ZC3H15: variants seen among roughly 807,000 people sequenced by gnomAD.
ZC3H15 encodes the protein zinc finger CCCH-type containing 15.
ZC3H15 carries 15 observed loss-of-function variants against 51.2 expected under a neutral mutation model. That is an observed-to-expected ratio of 0.29 (90% CI 0.20 to 0.45). The LOEUF (loss-of-function observed/expected upper bound fraction) is 0.45, where lower values mean the gene tolerates loss of function less well. ZC3H15 is among the 20% of genes least tolerant of loss of function. The pLI is 1.00. For missense variants in ZC3H15, 381 were observed against 494.7 expected (o/e 0.77, Z 2.18); for synonymous variants, 144 against 162.8 (o/e 0.88, Z 0.88).
In ZC3H15 at chr2:186,505,885, G is replaced by C. The variant is rs944168799; in HGVS notation, c.966+44G>C. 5.7e-6 allele frequency: 9 copies of C among 1,581,734 alleles called. No homozygotes were observed. In the African/African-American group the frequency reaches 1.1e-4, roughly 19 times the overall value. ...CCTCATCTCCTTATGTTAATTGAAA[G>C]AAACAATAGAAAATACCACAACATG... On this transcript the variant is annotated intron_variant, in intron 8 of 9. Transcript: ENST00000337859.
intron 2 of ZC3H15, among the ~76,000 whole-genome samples, chr2:186,497,707 A>C (rs982994380): frequency 1.3e-5 from 2 of 152,152 alleles, no homozygotes; most frequent in Non-Finnish European, 2.9e-5. Flanking sequence ...CTCTTCCCCA[A>C]CTTTTTCTTC....
intron 1 of ZC3H15, among the ~76,000 whole-genome samples, chr2:186,487,613 A>C (rs558683608): frequency 6.6e-6 from 1 of 152,346 alleles, no homozygotes; most frequent in East Asian, 1.9e-4. Flanking sequence ...GACACTTAAA[A>C]ACAAAATATT....
Position 186,508,854 on chromosome 2 carries a change from A to C in ZC3H15, c.*121A>C, listed in dbSNP as rs527443861. ...TTCCTATGCTGATTCTGGAGGAGTTAACCTCCTGCAAAAAAGGCATCTTGT... is the reference window on the plus strand; with the variant it reads ...TTCCTATGCTGATTCTGGAGGAGTTCACCTCCTGCAAAAAAGGCATCTTGT... On this transcript the variant is annotated 3_prime_UTR_variant, in exon 10 of 10. Transcript: ENST00000337859. 1 of 1,110,952 alleles carries C rather than the reference A, an allele frequency of 9.0e-7. No individual in the cohort carries two copies. The highest frequency in any genetic ancestry group is 1.6e-5 in the South Asian group (1 of 63,408). 68.8% of individuals were successfully genotyped at this position (1,110,952 alleles called of 1,614,324 possible). A position where few individuals can be genotyped will look rare whatever the true frequency, so the allele number is the denominator to read the frequency against.
intron 5 of ZC3H15, among the ~76,000 whole-genome samples, chr2:186,503,522 A>G (rs546882198): frequency 6.6e-6 from 1 of 152,102 alleles, no homozygotes; most frequent in East Asian, 1.9e-4. Context: ...GGTTACAGGC[A>G]TGTGCCACCA....
chr2:186,496,342 TA>T (rs1304055120), intron 2 of ZC3H15, among the ~76,000 whole-genome samples: 3 of 152,184 alleles, frequency 2.0e-5, no homozygotes, highest in Admixed American at 6.5e-5. Context: ...CTCATCCTCC[TA>T]AGTAGCTGGG....
At chr2:186,506,022 T>A (rs1042127920) in intron 8 of ZC3H15, 181 bp downstream of exon 8, 1 of 704,580 alleles carries the variant, frequency 1.4e-6, no homozygotes, top group East Asian at 2.7e-5. Flanking sequence ...AATGATTATC[T>A]CTACATCATA....
chr2:186,505,381 G>C, intron 6 of ZC3H15, 70 bp from the exon 7 acceptor site: 1 of 1,476,572 alleles, frequency 6.8e-7, no homozygotes, highest in Non-Finnish European at 9.0e-7. Context: ...ATCACATTAA[G>C]AGATAACTGC....
intron 4 of ZC3H15, among the ~76,000 whole-genome samples, chr2:186,502,031 T>C (rs1685393858): frequency 6.6e-6 from 1 of 151,680 alleles, no homozygotes; most frequent in African/African-American, 2.4e-5. Context: ...CTTAAAACTA[T>C]TTATTTCTGC....
Position 186,509,006 on chromosome 2 carries a change from G to A in ZC3H15, c.*273G>A. ...TTGTAACTGTCCACCCAAGTAAGAA[G>A]TGTATCTGCCTTTCCATCTTTTGGT... On this transcript the variant is annotated 3_prime_UTR_variant, in exon 10 of 10. Coordinates refer to ENST00000337859, the MANE Select transcript of ZC3H15 (RefSeq NM_018471.3). 1.8e-6 allele frequency: 1 copy of A among 547,298 alleles called. No individual in the cohort carries two copies. The highest frequency in any genetic ancestry group is 3.5e-6 in the Non-Finnish European group (1 of 287,468). The allele number at this position is 547,298 out of a possible 1,614,324, so 33.9% of individuals were successfully genotyped here. A position where few individuals can be genotyped will look rare whatever the true frequency, so the allele number is the denominator to read the frequency against.
At position 186,508,456 on chromosome 2, in the gene ZC3H15, GT is replaced by G. The variant is rs1685502288; in HGVS notation, c.1091-86del. 6 of 1,133,198 alleles carry G rather than the reference GT, an allele frequency of 5.3e-6. No individual in the cohort carries two copies. In the East Asian group the frequency reaches 1.5e-4, roughly 28 times the overall value. The allele number at this position is 1,133,198 out of a possible 1,614,324, so 70.2% of individuals were successfully genotyped here. A position where few individuals can be genotyped will look rare whatever the true frequency, so the allele number is the denominator to read the frequency against. Reference sequence around the variant, plus strand: ...TTCATGGAGAAAAGGAAAAGAGGAAGTGTAGTATCAGTCTATGTTGTCTATT... The same window carrying G: ...TTCATGGAGAAAAGGAAAAGAGGAAGGTAGTATCAGTCTATGTTGTCTATT... On this transcript the variant is annotated intron_variant, in intron 9 of 9. Coordinates refer to ENST00000337859, the MANE Select transcript of ZC3H15 (RefSeq NM_018471.3).
rs779471905 is a variant in ZC3H15 at position 186,508,795 on chromosome 2, A to C, written c.*62A>C. The C allele has an allele frequency of 6.5e-7, 1 of 1,535,228 alleles. No homozygotes were observed. The highest frequency in any genetic ancestry group is 8.9e-7 in the Non-Finnish European group (1 of 1,120,512). ...GCACGAGTTGAAATTGACTACATTA[A>C]TTTCTTTCCACCTAGAATCAACAGG... is the stretch of plus-strand genomic sequence containing the variant. On this transcript the variant is annotated 3_prime_UTR_variant, in exon 10 of 10. Coordinates refer to ENST00000337859, the MANE Select transcript of ZC3H15 (RefSeq NM_018471.3).
Position 186,501,368 on chromosome 2 carries a change from A to G in ZC3H15, c.385A>G (p.Arg129Gly). The G allele has an allele frequency of 1.2e-6, 2 of 1,613,932 alleles. No individual in the cohort carries two copies. The change falls in exon 4 of 10, where the codon AGA (arginine) becomes GGA (glycine). Residue 129 changes from arginine (R) to glycine (G), a missense_variant. Coordinates refer to ENST00000337859, the MANE Select transcript of ZC3H15 (RefSeq NM_018471.3). ...GTTCTCCCATGACTTGACTCTGGAG[A>G]GAAAATGTGAAAAGCGAAGTGTTTA... is the stretch of plus-strand genomic sequence containing the variant. ...CKFSHDLTLE[R>G]KCEKRSVYID...
chr2:186,507,682 T>C (rs1417811941), intron 9 of ZC3H15, among the ~76,000 whole-genome samples: 1 of 152,148 alleles, frequency 6.6e-6, no homozygotes, highest in African/African-American at 2.4e-5. Context: ...GAAATGCCCA[T>C]TAAGGCAAAA....
chr2:186,500,762 ACTGT>A, intron 3 of ZC3H15: 1 of 449,046 alleles, frequency 2.2e-6, no homozygotes, highest in East Asian at 6.9e-5. Flanking sequence ...GCAACCTCCG[ACTGT>A]CTGGTTCAAG....
rs139990335 is a variant in ZC3H15, at chr2:186,500,549, T to C, written c.289+256T>C. On this transcript the variant is annotated intron_variant, in intron 3 of 9. Transcript: ENST00000337859. ...ATTAGTAATTTAATAGACTGCTAAT[T>C]GATTTATAACATTCAGTCTTTGGTA... is the stretch of plus-strand genomic sequence containing the variant. The C allele has an allele frequency of 2.6e-4, 154 of 599,574 alleles. 3 individuals are homozygous for C. The East Asian group carries it at 5.5e-3, about 21-fold the overall frequency. 37.1% of individuals were successfully genotyped at this position (599,574 alleles called of 1,614,324 possible).
intron 2 of ZC3H15, 56 bp from the exon 3 acceptor site, chr2:186,500,126 G>A: frequency 6.7e-7 from 1 of 1,498,274 alleles, no homozygotes; most frequent in East Asian, 2.3e-5. Context: ...TAACTTTGTA[G>A]TAAAAACAAT....
rs1685147406 is a variant in ZC3H15, at chr2:186,488,733, G to C, written c.75+2276G>C. The C allele has an allele frequency of 2.6e-5, 4 of 152,058 alleles. 1 individual carries two copies. Among genetic ancestry groups the C allele is most frequent in the Admixed American group, 2.6e-4 (4 of 15,262 alleles). The allele number at this position is 152,058 out of a possible 1,614,324, so 9.4% of individuals were successfully genotyped here. On this transcript the variant is annotated intron_variant, in intron 1 of 9. Transcript: ENST00000337859. ...TCATCTGTAGGGACCTTAACCTTGG[G>C]GCATACGCTGAGTTGGCATGAGAGT...
chr2:186,497,117 T>G (rs772906248), intron 2 of ZC3H15: 2 of 442,226 alleles, frequency 4.5e-6, no homozygotes, highest in South Asian at 1.6e-5. Flanking sequence ...TAGACATGGA[T>G]CTTTATTTTT....
At chr2:186,507,839 A>G (rs1050739019) in intron 9 of ZC3H15, among the ~76,000 whole-genome samples, 2 of 152,230 alleles carry the variant, frequency 1.3e-5, no homozygotes, top group African/African-American at 4.8e-5. Flanking sequence ...TTGTAGAAGT[A>G]GGGGCTTTGG....
Sources: gnomAD v4.1 joint callset for allele counts (sites outside exome capture counted in the v4.1 genomes callset) on GRCh38, gnomAD v4.1.1 for gene constraint, MANE v1.5 for transcripts, NCBI Gene and HGNC (gene_info 2026-07-23, HGNC 2026-07-21) for gene names.